TCF20: variants seen among roughly 807,000 people sequenced by gnomAD.
TCF20 encodes the protein transcription factor 20.
Under a neutral mutation model 148.6 loss-of-function variants are expected in TCF20, and 3 were observed. The observed-to-expected ratio is 0.02, with a 90% confidence interval of 0.01 to 0.05. The LOEUF (loss-of-function observed/expected upper bound fraction) is 0.05. TCF20 is among the 10% of genes least tolerant of loss of function. The pLI, the probability that TCF20 is intolerant of heterozygous loss-of-function variation, is 1.00. For synonymous variants in TCF20, 1,049 were observed against 909.5 expected, an observed-to-expected ratio of 1.15 and a Z score of -2.76; for missense variants, 2,350 against 2,429.3, an observed-to-expected ratio of 0.97 and a Z score of 0.69.
rs1428976478 is a variant in TCF20 at position 42,317,260 on chromosome 22, G to A, written c.-37+26219C>T. ...CAGAGCACTCCCAGCTTGAATGTCG[G>A]AGGTTCAGCCAAGAGCCCTAGCGTG... On this transcript the variant is annotated intron_variant, in intron 1 of 1. Transcript: ENST00000515426. This position sits in a 1 kb window ranked among gnomAD's most constrained non-coding sequence, Gnocchi z 4.2. Among the ~76,000 whole-genome samples, 1 of 152,164 alleles carries A rather than the reference G, an allele frequency of 6.6e-6. No individual in the cohort carries two copies. The highest frequency in any genetic ancestry group is 2.4e-5 in the African/African-American group (1 of 41,418).
At chr22:42,166,904 A>G (rs539907328) in intron 5 of TCF20, among the ~76,000 whole-genome samples, 12 of 152,204 alleles carry the variant, frequency 7.9e-5, no homozygotes, top group Non-Finnish European at 1.6e-4. Context: ...ATGGGAAGGC[A>G]CAGTGACACC....
intron 1 of TCF20, among the ~76,000 whole-genome samples, chr22:42,260,586 G>C (rs1181076200): frequency 6.6e-6 from 1 of 152,112 alleles, no homozygotes; most frequent in African/African-American, 2.4e-5. Flanking sequence ...GCTCGCAGAT[G>C]CAATACGCCC....
At chr22:42,190,119 C>CG (rs1244166859) in intron 2 of TCF20, among the ~76,000 whole-genome samples, 3 of 151,964 alleles carry the variant, frequency 2.0e-5, no homozygotes, top group African/African-American at 7.3e-5. Flanking sequence ...AAAAAGGGCA[C>CG]GGTGGGGGTA....
At chr22:42,209,556 G>A in intron 2 of TCF20, 95 bp downstream of exon 2, 2 of 1,392,934 alleles carry the variant, frequency 1.4e-6, no homozygotes, top group East Asian at 2.3e-5. Context: ...TTAATTTGGA[G>A]GAATAATCAT....
Position 42,214,583 on chromosome 22 carries a change from G to A in TCF20, c.723C>T (p.Ser241=). 6.2e-7 allele frequency: 1 copy of A among 1,614,086 alleles called. No individual in the cohort carries two copies. The highest frequency in any genetic ancestry group is 8.5e-7 in the Non-Finnish European group (1 of 1,180,038). The part of the protein sequence containing the change: ...FGQHYQSSAS[S]SSSSSFPSPQ... ...GTGAAGGGAAGGAGGAGGAGGAGGA[G>A]GAGGAAGCAGAAGACTGATAGTGTT... Residue 241 remains serine, a synonymous_variant, in exon 2 of 6, where the codon TCC becomes TCT. Transcript: ENST00000677622.
At chr22:42,186,223 T>C (rs1378314694) in intron 2 of TCF20, among the ~76,000 whole-genome samples, 2 of 152,206 alleles carry the variant, frequency 1.3e-5, no homozygotes, top group Non-Finnish European at 2.9e-5. Flanking sequence ...CCAGGTATGA[T>C]GCAGCACAGG....
chr22:42,196,887 T>C (rs907034545), intron 2 of TCF20, among the ~76,000 whole-genome samples: 12 of 152,222 alleles, frequency 7.9e-5, no homozygotes, highest in Admixed American at 2.0e-4. Flanking sequence ...AAATTTGTTA[T>C]TCTGTTGACC....
At chr22:42,192,000 T>C (rs1347090490) in intron 2 of TCF20, among the ~76,000 whole-genome samples, 1 of 152,216 alleles carries the variant, frequency 6.6e-6, no homozygotes, top group African/African-American at 2.4e-5. Flanking sequence ...ATTTTTATTT[T>C]ACCCTTTGCT....
chr22:42,179,218 GTACAC>G (rs1936627697), intron 3 of TCF20, among the ~76,000 whole-genome samples: 1 of 151,844 alleles, frequency 6.6e-6, no homozygotes, highest in Admixed American at 6.6e-5. Flanking sequence ...CTACTCCCAG[GTACAC>G]ATCCAAGAGA....
intron 3 of TCF20, among the ~76,000 whole-genome samples, chr22:42,177,071 A>C (rs916976783): frequency 1.4e-4 from 22 of 152,286 alleles, no homozygotes; most frequent in Admixed American, 3.9e-4. Context: ...TTTTATATAT[A>C]TATTGAAACA....
intron 1 of TCF20, among the ~76,000 whole-genome samples, chr22:42,300,991 G>A (rs1237160362): frequency 6.6e-6 from 1 of 152,198 alleles, no homozygotes; most frequent in African/African-American, 2.4e-5. Context: ...AGGATAGAGA[G>A]GTGTGGCCTC....
intron 3 of TCF20, among the ~76,000 whole-genome samples, chr22:42,176,523 T>C (rs905728222): frequency 6.6e-6 from 1 of 152,144 alleles, no homozygotes; most frequent in African/African-American, 2.4e-5. Flanking sequence ...CCGCCTCCTA[T>C]GGACAGCGTG....
At chr22:42,200,641 C>CAA (rs34605295) in intron 2 of TCF20, among the ~76,000 whole-genome samples, 24,596 of 96,142 alleles carry the variant, frequency 0.26, 4,013 homozygotes, top group Admixed American at 0.34. Context: ...GACTTCGTCT[C>CAA]AAAAAAAAAA....
At chr22:42,250,747 G>A (rs923218163) in intron 1 of TCF20, among the ~76,000 whole-genome samples, 12 of 152,170 alleles carry the variant, frequency 7.9e-5, no homozygotes, top group African/African-American at 2.9e-4. Context: ...GGCTGTTCCT[G>A]CATTGCTATG....
intron 2 of TCF20, among the ~76,000 whole-genome samples, chr22:42,186,615 C>T (rs1288679213): frequency 6.6e-6 from 1 of 152,100 alleles, no homozygotes. Context: ...TGCTGCTGGT[C>T]GTTTTTTTGG....
At chr22:42,188,170 T>G (rs1279771632) in intron 2 of TCF20, among the ~76,000 whole-genome samples, 1 of 151,744 alleles carries the variant, frequency 6.6e-6, no homozygotes, top group East Asian at 1.9e-4. Flanking sequence ...GGTGCATGGC[T>G]GTAATCCCAG....
At chr22:42,163,616 C>G (rs1004856288) in intron 5 of TCF20, among the ~76,000 whole-genome samples, 8 of 152,194 alleles carry the variant, frequency 5.3e-5, no homozygotes, top group Non-Finnish European at 1.0e-4. Flanking sequence ...TAGCCCAAAG[C>G]GACGTGGCCA....
At chr22:42,176,412 A>G (rs1205738970) in intron 3 of TCF20, among the ~76,000 whole-genome samples, 1 of 152,188 alleles carries the variant, frequency 6.6e-6, no homozygotes, top group Admixed American at 6.5e-5. Context: ...GACCTGATCC[A>G]AGTCTGTTGG....
chr22:42,260,776 G>A (rs909936826), intron 1 of TCF20, among the ~76,000 whole-genome samples: 1 of 152,128 alleles, frequency 6.6e-6, no homozygotes, highest in Non-Finnish European at 1.5e-5. Context: ...GAGCCACCAC[G>A]ACTGGCCCAA....
Sources: allele counts gnomAD v4.1 joint callset (sites outside exome capture counted in the v4.1 genomes callset), GRCh38; gene constraint gnomAD v4.1.1; non-coding constraint Gnocchi (gnomAD v3.1); transcripts MANE v1.5; gene names NCBI Gene and HGNC (gene_info 2026-07-23, HGNC 2026-07-21).